RBFOX1: variants seen among roughly 807,000 people sequenced by gnomAD.
RBFOX1 encodes the protein RNA binding protein fox-1 homolog 1.
Under a neutral mutation model 57.7 loss-of-function variants are expected in RBFOX1, and 8 were observed. That is an observed-to-expected ratio of 0.14 (90% CI 0.08 to 0.25). The LOEUF (loss-of-function observed/expected upper bound fraction) is 0.25, where lower values mean the gene tolerates loss of function less well. RBFOX1 is among the 10% of genes least tolerant of loss of function. RBFOX1 has a pLI of 1.00. For synonymous variants in RBFOX1, 326 were observed against 222.4 expected (o/e 1.47, Z -4.15); for missense variants, 611 against 548.5 (o/e 1.11, Z -1.14).
chr16:6,836,722 C>T (rs961326259), intron 3 of RBFOX1, among the ~76,000 whole-genome samples: 1 of 152,158 alleles, frequency 6.6e-6, no homozygotes, highest in Non-Finnish European at 1.5e-5. Context: ...GCTACAATAA[C>T]ATAGTTCTTT....
intron 5 of RBFOX1, among the ~76,000 whole-genome samples, chr16:7,525,631 T>C (rs2078529707): frequency 6.6e-6 from 1 of 152,120 alleles, no homozygotes; most frequent in African/African-American, 2.4e-5. Flanking sequence ...TGTGTTTGGG[T>C]GTGGCTTTCC....
intron 1 of RBFOX1, among the ~76,000 whole-genome samples, chr16:6,127,945 G>C (rs2096602038): frequency 6.6e-6 from 1 of 151,984 alleles, no homozygotes; most frequent in Non-Finnish European, 1.5e-5. Flanking sequence ...ATATTCTTGG[G>C]GGTGCTAGAA....
At chr16:5,833,417 C>T (rs1009047442) in intron 3 of RBFOX1, among the ~76,000 whole-genome samples, 2 of 151,244 alleles carry the variant, frequency 1.3e-5, no homozygotes, top group African/African-American at 4.9e-5. Context: ...ATGGTGTGAA[C>T]CCGGGAGGCG....
chr16:7,592,257 TAAA>T (rs1384248992), intron 7 of RBFOX1, among the ~76,000 whole-genome samples: 2 of 152,226 alleles, frequency 1.3e-5, no homozygotes, highest in Admixed American at 6.5e-5. Flanking sequence ...TCTCTTTGCT[TAAA>T]AAGTGAGAAC....
chr16:6,549,714 G>T (rs961513582), intron 2 of RBFOX1, among the ~76,000 whole-genome samples: 1 of 152,114 alleles, frequency 6.6e-6, no homozygotes, highest in Non-Finnish European at 1.5e-5. Context: ...CTGGTCTCCA[G>T]CCTCATGACC....
intron 2 of RBFOX1, among the ~76,000 whole-genome samples, chr16:6,477,574 T>C (rs1174021760): frequency 1.3e-5 from 2 of 152,168 alleles, no homozygotes; most frequent in Admixed American, 6.5e-5. Flanking sequence ...TTCTAGAGCA[T>C]AGGCAGAGTA....
intron 3 of RBFOX1, among the ~76,000 whole-genome samples, chr16:6,684,067 C>G (rs951921868): frequency 1.3e-5 from 2 of 152,124 alleles, no homozygotes; most frequent in Admixed American, 1.3e-4. Flanking sequence ...TTGTTTGCAT[C>G]TCATTTGTGT....
At chr16:5,354,134 T>C (rs1035440063) in intron 1 of RBFOX1, among the ~76,000 whole-genome samples, 13 of 152,216 alleles carry the variant, frequency 8.5e-5, no homozygotes, top group African/African-American at 3.1e-4. Flanking sequence ...GCTCAAGTCC[T>C]GGAACATTTT....
intron 3 of RBFOX1, among the ~76,000 whole-genome samples, chr16:6,742,150 A>G (rs1007951592): frequency 1.3e-5 from 2 of 152,218 alleles, no homozygotes; most frequent in Non-Finnish European, 2.9e-5. Context: ...GTGAAAACCA[A>G]TCCATTTAGA....
chr16:7,016,628 A>C (rs1292369551), intron 3 of RBFOX1, among the ~76,000 whole-genome samples: 1 of 152,212 alleles, frequency 6.6e-6, no homozygotes, highest in South Asian at 2.1e-4. Context: ...GTGGATGTGG[A>C]AACAGGCGTG....
At position 5,557,209 on chromosome 16, in the gene RBFOX1, G is replaced by A. The variant is rs568231323; in HGVS notation, c.259-41693G>A. ...CAGGAGGCAGAGGTTGCAGTGAGCC[G>A]GGATTGCGCCACTGCACTCCAGCCG... is the stretch of plus-strand genomic sequence containing the variant. On this transcript the variant is annotated intron_variant, in intron 2 of 2. Transcript: ENST00000585867. Among the ~76,000 whole-genome samples the A allele has an allele frequency of 1.8e-4, 27 of 151,876 alleles. No individual in the cohort carries two copies. The East Asian group carries it at 5.0e-3, about 28-fold the overall frequency.
At chr16:5,399,428 A>T (rs2066652070) in intron 1 of RBFOX1, among the ~76,000 whole-genome samples, 1 of 152,342 alleles carries the variant, frequency 6.6e-6, no homozygotes, top group Non-Finnish European at 1.5e-5. Context: ...GGGAAATGGA[A>T]AATAAAGGAG....
chr16:6,111,437 C>T lies in RBFOX1; in HGVS notation c.-127+91445C>T, dbSNP rs536777290. 2.6e-5 allele frequency among the ~76,000 whole-genome samples: 4 copies of T among 152,278 alleles called. No individual in the cohort carries two copies. In the South Asian group the frequency reaches 8.3e-4, roughly 32 times the overall value. On this transcript the variant is annotated intron_variant, in intron 1 of 15. Transcript: ENST00000550418. ...AGAGTGGGCTGTGAAACCACCAACA[C>T]CTTTTGAGTTAAGGAGTTTCCAAGA...
chr16:5,276,549 C>G (rs562690978), intron 1 of RBFOX1, among the ~76,000 whole-genome samples: 3 of 152,306 alleles, frequency 2.0e-5, no homozygotes, highest in African/African-American at 7.2e-5. Context: ...CTTTGGGAGG[C>G]CGAGGCGGGT....
chr16:5,363,332 A>ACCGTGTCCAGC (rs1255471053), intron 1 of RBFOX1, among the ~76,000 whole-genome samples: 2 of 151,980 alleles, frequency 1.3e-5, no homozygotes, highest in Admixed American at 1.3e-4. Flanking sequence ...GGCATAAGCC[A>ACCGTGTCCAGC]CCGTGTCCAG....
intron 4 of RBFOX1, among the ~76,000 whole-genome samples, chr16:7,441,510 CTG>C (rs2098766540): frequency 6.6e-6 from 1 of 152,130 alleles, no homozygotes; most frequent in Admixed American, 6.6e-5. Flanking sequence ...AAACTGGTAT[CTG>C]TTTCTCTCCT....
intron 4 of RBFOX1, among the ~76,000 whole-genome samples, chr16:7,144,417 C>CTTCTTTTTTT (rs3046798): frequency 0.014 from 953 of 66,922 alleles, 48 homozygotes; most frequent in Non-Finnish European, 0.017. Context: ...TTTCTTTCTT[C>CTTCTTTTTTT]TTTTTTTTTT....
At chr16:6,319,129 C>G (rs958873953) in intron 2 of RBFOX1, among the ~76,000 whole-genome samples, 3 of 152,098 alleles carry the variant, frequency 2.0e-5, no homozygotes, top group Admixed American at 6.6e-5. Flanking sequence ...GCTCCAGTCT[C>G]TTACAGGATT....
chr16:7,324,806 T>G (rs1167951767), intron 4 of RBFOX1, among the ~76,000 whole-genome samples: 2 of 152,206 alleles, frequency 1.3e-5, no homozygotes, highest in Non-Finnish European at 2.9e-5. Flanking sequence ...GTACTGCTGG[T>G]TAGAGTAACC....
Sources: allele counts gnomAD v4.1 joint callset (sites outside exome capture counted in the v4.1 genomes callset), GRCh38; gene constraint gnomAD v4.1.1; transcripts MANE v1.5; gene names NCBI Gene and HGNC (gene_info 2026-07-23, HGNC 2026-07-21).